Variants in GALNT13 observed in about 807,000 individuals in gnomAD.
GALNT13 encodes the protein UDP-GalNAc:polypeptide N-acetylgalactosaminyltransferase 13.
A neutral mutation model predicts 64.2 loss-of-function variants in GALNT13; 28 were observed. The observed-to-expected ratio is 0.44, with a 90% CI of 0.32 to 0.60. The LOEUF (loss-of-function observed/expected upper bound fraction) is 0.60. GALNT13 is among the 20% of genes least tolerant of loss of function. GALNT13 has a pLI of 0.05. For synonymous variants in GALNT13, 214 were observed against 224.6 expected (o/e 0.95, Z 0.42); for missense variants, 577 against 669.8 (o/e 0.86, Z 1.53).
chr2:153,976,870 G>T (rs530061129), intron 3 of GALNT13, among the ~76,000 whole-genome samples: 1 of 151,992 alleles, frequency 6.6e-6, no homozygotes, highest in South Asian at 2.1e-4. Flanking sequence ...ATTGATATGG[G>T]TATGCATTTA....
the GALNT13 span, among the ~76,000 whole-genome samples, chr2:153,670,378 C>T: frequency 1.3e-5 from 2 of 152,274 alleles, no homozygotes; most frequent in African/African-American, 2.4e-5. Context: ...AGCTGTTCTG[C>T]AGCCTCCGCT....
chr2:153,424,832 A>G, the GALNT13 span, among the ~76,000 whole-genome samples: 1 of 151,880 alleles, frequency 6.6e-6, no homozygotes, highest in Admixed American at 6.6e-5. Flanking sequence ...AAGCAAACAC[A>G]TGGAAATAGC....
At chr2:154,336,316 A>G (rs1695442814) in intron 9 of GALNT13, among the ~76,000 whole-genome samples, 1 of 152,074 alleles carries the variant, frequency 6.6e-6, no homozygotes, top group Admixed American at 6.6e-5. Context: ...TAACCTACTC[A>G]GTGATCATCA....
At chr2:154,212,700 C>T (rs1687844467) in intron 4 of GALNT13, among the ~76,000 whole-genome samples, 1 of 151,952 alleles carries the variant, frequency 6.6e-6, no homozygotes, top group African/African-American at 2.4e-5. Flanking sequence ...CTCCCTGTTC[C>T]CCTCCTTCTT....
At chr2:153,097,382 T>A in the GALNT13 span, among the ~76,000 whole-genome samples, 1 of 152,180 alleles carries the variant, frequency 6.6e-6, no homozygotes, top group Non-Finnish European at 1.5e-5. Context: ...GGTGATTATT[T>A]ATTTCTCATT....
the GALNT13 span, among the ~76,000 whole-genome samples, chr2:153,793,356 A>G: frequency 6.6e-6 from 1 of 152,148 alleles, no homozygotes; most frequent in Admixed American, 6.5e-5. Context: ...CATTTTTTAT[A>G]TTGTTCTTTG....
At chr2:153,951,350 G>A (rs1226452562) in intron 3 of GALNT13, among the ~76,000 whole-genome samples, 2 of 152,300 alleles carry the variant, frequency 1.3e-5, no homozygotes, top group Admixed American at 6.5e-5. Flanking sequence ...ATACAATGTA[G>A]AGAATGGATT....
chr2:153,533,717 G>GTTTTTTTTTT, the GALNT13 span, among the ~76,000 whole-genome samples: 13 of 24,018 alleles, frequency 5.4e-4, no homozygotes, highest in Non-Finnish European at 8.8e-4. Flanking sequence ...ATATCCTGAG[G>GTTTTTTTTTT]TTTTTCTTTT....
At chr2:154,304,247 T>G (rs933410375) in intron 9 of GALNT13, among the ~76,000 whole-genome samples, 3 of 152,208 alleles carry the variant, frequency 2.0e-5, no homozygotes, top group African/African-American at 7.2e-5. Flanking sequence ...CACCATTTCA[T>G]GCATAGATGT....
chr2:153,878,729 C>G (rs539507966), intron 1 of GALNT13, among the ~76,000 whole-genome samples: 1 of 152,126 alleles, frequency 6.6e-6, no homozygotes, highest in Non-Finnish European at 1.5e-5. Context: ...CCAACTTGTA[C>G]GGGTCAGTTT....
chr2:153,925,025 A>C (rs6756776), intron 2 of GALNT13, among the ~76,000 whole-genome samples: 57,730 of 151,988 alleles, frequency 0.38, 11,351 homozygotes, highest in Non-Finnish European at 0.41. Flanking sequence ...TTTTGTTGAT[A>C]ATTTCTTTGC....
chr2:153,664,492 G>T, the GALNT13 span, among the ~76,000 whole-genome samples: 1 of 152,104 alleles, frequency 6.6e-6, no homozygotes, highest in Admixed American at 6.6e-5. Flanking sequence ...CAAACAATTT[G>T]TGCAGTTAAC....
chr2:154,087,506 A>C (rs1456833703), intron 3 of GALNT13, among the ~76,000 whole-genome samples: 3 of 152,036 alleles, frequency 2.0e-5, no homozygotes, highest in Non-Finnish European at 4.4e-5. Flanking sequence ...TTATACACTT[A>C]CTTGACTAAG....
the GALNT13 span, among the ~76,000 whole-genome samples, chr2:153,839,492 C>T: frequency 1.3e-5 from 2 of 151,760 alleles, no homozygotes; most frequent in African/African-American, 4.8e-5. Context: ...TTGTCAAATA[C>T]TTTACCTCTC....
At chr2:153,688,032 T>C in the GALNT13 span, among the ~76,000 whole-genome samples, 1 of 152,034 alleles carries the variant, frequency 6.6e-6, no homozygotes, top group African/African-American at 2.4e-5. Context: ...TACACAGTTA[T>C]TGTTGCTGTT....
At chr2:153,350,306 TGTTA>T in the GALNT13 span, among the ~76,000 whole-genome samples, 1 of 152,124 alleles carries the variant, frequency 6.6e-6, no homozygotes, top group South Asian at 2.1e-4. Flanking sequence ...TTCAGAAACG[TGTTA>T]GTAAGTACTT....
At chr2:153,209,612 A>G in the GALNT13 span, among the ~76,000 whole-genome samples, 1 of 152,216 alleles carries the variant, frequency 6.6e-6, no homozygotes, top group South Asian at 2.1e-4. Context: ...CCTCCAACTT[A>G]TATCTTATTA....
intron 2 of GALNT13, among the ~76,000 whole-genome samples, chr2:153,941,318 A>G (rs1691324837): frequency 1.3e-5 from 2 of 152,320 alleles, no homozygotes; most frequent in East Asian, 3.9e-4. Flanking sequence ...TTTAATAAAG[A>G]TAGGAAATAT....
the GALNT13 span, among the ~76,000 whole-genome samples, chr2:153,612,457 A>G: frequency 4.6e-5 from 7 of 152,272 alleles, no homozygotes; most frequent in East Asian, 1.4e-3. Flanking sequence ...TGAGTTCTAA[A>G]AGGAGAATTT....
Sources: allele counts gnomAD v4.1 joint callset (sites outside exome capture counted in the v4.1 genomes callset), GRCh38; gene constraint gnomAD v4.1.1; transcripts MANE v1.5; gene names NCBI Gene and HGNC (gene_info 2026-07-23, HGNC 2026-07-21).